Variants in LRP1B observed in about 807,000 individuals in gnomAD.
The protein encoded by LRP1B is low-density lipoprotein receptor-related protein 1B.
Under a neutral mutation model 556.6 loss-of-function variants are expected in LRP1B, and 217 were observed. The ratio of observed to expected loss-of-function variants is 0.39; its 90% CI spans 0.35 to 0.44. The LOEUF is 0.44. LRP1B is among the 20% of genes least tolerant of loss of function. The probability of loss-of-function intolerance (pLI) is 1.00; values close to 1 mark genes in which losing one functional copy is unlikely to be tolerated. For synonymous variants in LRP1B, 2,047 were observed against 1,865.8 expected (o/e 1.10, Z -2.50); for missense variants, 5,053 against 5,620.8 (o/e 0.90, Z 3.23).
intron 35 of LRP1B, among the ~76,000 whole-genome samples, chr2:140,766,851 T>C (rs1488370132): frequency 3.9e-5 from 2 of 51,712 alleles, no homozygotes; most frequent in African/African-American, 9.1e-5. Context: ...ATATTATATA[T>C]ATATATATAT....
intron 1 of LRP1B, among the ~76,000 whole-genome samples, chr2:141,954,354 C>T (rs182918579): frequency 1.3e-5 from 2 of 152,132 alleles, no homozygotes; most frequent in Admixed American, 1.3e-4. Context: ...ATGACTGACA[C>T]AGGGCAGATG....
At chr2:141,241,695 T>C (rs2105317263) in intron 5 of LRP1B, among the ~76,000 whole-genome samples, 1 of 152,236 alleles carries the variant, frequency 6.6e-6, no homozygotes, top group African/African-American at 2.4e-5. Flanking sequence ...GCACATACTC[T>C]GCTTCAGGCA....
At chr2:141,104,184 A>G (rs1174371293) in intron 7 of LRP1B, among the ~76,000 whole-genome samples, 1 of 152,070 alleles carries the variant, frequency 6.6e-6, no homozygotes, top group African/African-American at 2.4e-5. Flanking sequence ...CTATGTGAGA[A>G]CATGTGGTAT....
chr2:140,260,967 G>C (rs1197842153), intron 86 of LRP1B, among the ~76,000 whole-genome samples: 4 of 151,588 alleles, frequency 2.6e-5, no homozygotes, highest in African/African-American at 9.7e-5. Flanking sequence ...TAGTGAATAG[G>C]ACAGTGTCTG....
chr2:141,255,719 A>G (rs990394193), intron 3 of LRP1B, among the ~76,000 whole-genome samples: 4 of 151,876 alleles, frequency 2.6e-5, no homozygotes, highest in Admixed American at 6.6e-5. Flanking sequence ...AAGCAATCAG[A>G]AGAGATTTTC....
At chr2:141,251,494 G>C (rs1336249619) in intron 4 of LRP1B, among the ~76,000 whole-genome samples, 1 of 152,050 alleles carries the variant, frequency 6.6e-6, no homozygotes, top group African/African-American at 2.4e-5. Context: ...TTCTAGTTTT[G>C]TTTTTGTTTT....
chr2:140,385,772 T>A, intron 67 of LRP1B, 121 bp downstream of exon 67: 1 of 704,824 alleles, frequency 1.4e-6, no homozygotes, highest in Admixed American at 2.4e-5. Context: ...TGTGAATATA[T>A]GCATAAAAAT....
At chr2:141,874,966 A>T (rs7566186) in intron 1 of LRP1B, among the ~76,000 whole-genome samples, 8,592 of 151,798 alleles carry the variant, frequency 0.057, 826 homozygotes, top group African/African-American at 0.2. Flanking sequence ...AAGAGATATT[A>T]TATTCTTAAA....
At chr2:141,339,299 G>T (rs1212668794) in intron 3 of LRP1B, among the ~76,000 whole-genome samples, 2 of 48,788 alleles carry the variant, frequency 4.1e-5, no homozygotes, top group Non-Finnish European at 9.8e-5. Flanking sequence ...TTGGGGTAAC[G>T]CAAAAAAAAA....
At chr2:140,893,254 T>C (rs1693853501) in intron 23 of LRP1B, among the ~76,000 whole-genome samples, 1 of 152,194 alleles carries the variant, frequency 6.6e-6, no homozygotes, top group Non-Finnish European at 1.5e-5. Context: ...AGCTCTTACA[T>C]TCAATAATCA....
At chr2:140,597,031 T>C (rs1247620606) in intron 43 of LRP1B, among the ~76,000 whole-genome samples, 2 of 152,106 alleles carry the variant, frequency 1.3e-5, no homozygotes, top group African/African-American at 4.8e-5. Context: ...TTTTGCAAAA[T>C]AAAGAATTTT....
chr2:140,295,110 C>T (rs34033295), intron 84 of LRP1B, among the ~76,000 whole-genome samples: 43,927 of 151,658 alleles, frequency 0.29, 7,658 homozygotes, highest in Non-Finnish European at 0.4. Flanking sequence ...GACCTCCTGA[C>T]CTCGTGATCC....
chr2:140,535,678 A>T (rs1690921002), intron 46 of LRP1B, among the ~76,000 whole-genome samples: 1 of 152,180 alleles, frequency 6.6e-6, no homozygotes, highest in Admixed American at 6.6e-5. Context: ...ATAAATCAGG[A>T]CAATTTTTTA....
intron 5 of LRP1B, among the ~76,000 whole-genome samples, chr2:141,234,372 A>ATTTTTTAT (rs936744995): frequency 6.6e-6 from 1 of 151,956 alleles, no homozygotes; most frequent in Non-Finnish European, 1.5e-5. Flanking sequence ...TTTATTTTTT[A>ATTTTTTAT]TTTTTTATTT....
At chr2:141,256,191 A>C (rs1209503541) in intron 3 of LRP1B, among the ~76,000 whole-genome samples, 1 of 152,050 alleles carries the variant, frequency 6.6e-6, no homozygotes, top group African/African-American at 2.4e-5. Flanking sequence ...ACAGTTGTAG[A>C]AGAAGTTGAA....
chr2:140,547,431 G>T (rs1346528915), intron 43 of LRP1B, among the ~76,000 whole-genome samples: 1 of 152,056 alleles, frequency 6.6e-6, no homozygotes, highest in African/African-American at 2.4e-5. Flanking sequence ...ATTTTCTAGT[G>T]TGTGTGCACA....
At chr2:140,451,154 C>G (rs1256970029) in intron 62 of LRP1B, among the ~76,000 whole-genome samples, 1 of 152,168 alleles carries the variant, frequency 6.6e-6, no homozygotes, top group Non-Finnish European at 1.5e-5. Context: ...GTTGCCAAGG[C>G]TGATCTCAAA....
chr2:141,131,874 G>C (rs1396899983), intron 7 of LRP1B, among the ~76,000 whole-genome samples: 1 of 151,378 alleles, frequency 6.6e-6, no homozygotes, highest in African/African-American at 2.4e-5. Flanking sequence ...GGAAATAGTT[G>C]TTATTTGGTT....
chr2:140,705,151 A>T (rs1686783882), intron 37 of LRP1B, among the ~76,000 whole-genome samples: 1 of 152,276 alleles, frequency 6.6e-6, no homozygotes, highest in South Asian at 2.1e-4. Context: ...AAGATAACAC[A>T]GAAATATATA....
Sources: allele counts gnomAD v4.1 joint callset (sites outside exome capture counted in the v4.1 genomes callset), GRCh38; gene constraint gnomAD v4.1.1; transcripts MANE v1.5; gene names NCBI Gene and HGNC (gene_info 2026-07-23, HGNC 2026-07-21).